TPP2: variants seen among roughly 807,000 people sequenced by gnomAD.
The protein encoded by TPP2 is tripeptidyl-peptidase 2.
In TPP2, 34 loss-of-function variants were observed where a neutral mutation model predicts 155.9. The ratio of observed to expected loss-of-function variants is 0.22; its 90% CI spans 0.17 to 0.29. TPP2 has a LOEUF of 0.29. Ranked by LOEUF, TPP2 falls within the 10% of genes least tolerant of loss-of-function variation. TPP2 has a pLI of 1.00. For synonymous variants in TPP2, 510 were observed against 529.4 expected (o/e 0.96, Z 0.50); for missense variants, 1,028 against 1,522.3 (o/e 0.68, Z 5.40).
At chr13:102,616,257 A>C (rs1880714835) in intron 3 of TPP2, 139 bp from the exon 4 acceptor site, 14 of 625,522 alleles carry the variant, frequency 2.2e-5, no homozygotes, top group Non-Finnish European at 3.3e-5. Flanking sequence ...ACACCCGGCC[A>C]AAAATGATTT....
At position 102,649,868 on chromosome 13, in the gene TPP2, A is replaced by G. The variant is rs897091431; in HGVS notation, c.2952+382A>G. Among the ~76,000 whole-genome samples, 11 of 152,148 alleles carry G rather than the reference A, an allele frequency of 7.2e-5. No homozygotes were observed. In the East Asian group the frequency reaches 1.2e-3, roughly 16 times the overall value. ...ATTTAACCAATAAGATTGGTTGTCC[A>G]TATAAGATTATGGACATAGGAATAA... On this transcript the variant is annotated intron_variant, in intron 23 of 29. Coordinates refer to ENST00000376052, the MANE Select transcript of TPP2 (RefSeq NM_001330588.2).
chr13:102,630,773 T>C (rs1158326386), intron 10 of TPP2, among the ~76,000 whole-genome samples: 3 of 152,242 alleles, frequency 2.0e-5, no homozygotes, highest in Admixed American at 6.5e-5. Flanking sequence ...TCCTAATTTA[T>C]GTAATTCTTC....
intron 23 of TPP2, among the ~76,000 whole-genome samples, chr13:102,650,399 C>T (rs1883405724): frequency 6.6e-6 from 1 of 152,112 alleles, no homozygotes; most frequent in South Asian, 2.1e-4. Flanking sequence ...TATTTACTGT[C>T]ATTGAAGCAT....
At chr13:102,598,010 G>A (rs1055691307) in intron 1 of TPP2, among the ~76,000 whole-genome samples, 1 of 151,704 alleles carries the variant, frequency 6.6e-6, no homozygotes, top group Admixed American at 6.6e-5. Context: ...AACATACGAC[G>A]GTTTTTAAAA....
intron 16 of TPP2, among the ~76,000 whole-genome samples, chr13:102,642,965 G>A (rs779069716): frequency 6.6e-6 from 1 of 152,150 alleles, no homozygotes; most frequent in Admixed American, 6.5e-5. Flanking sequence ...CCAGGTGTTT[G>A]CAGCCTCATG....
intron 4 of TPP2, among the ~76,000 whole-genome samples, chr13:102,617,246 C>G (rs1489137259): frequency 2.6e-5 from 4 of 152,002 alleles, no homozygotes; most frequent in African/African-American, 9.7e-5. Flanking sequence ...ATTATTGTCA[C>G]TTTTAAAAAG....
At chr13:102,643,791 AG>A (rs1253502754) in intron 17 of TPP2, among the ~76,000 whole-genome samples, 1 of 152,204 alleles carries the variant, frequency 6.6e-6, no homozygotes, top group African/African-American at 2.4e-5. Context: ...TTCATGTCTA[AG>A]TTATCTCAGA....
At chr13:102,673,995 A>C (rs1206155601) in intron 27 of TPP2, among the ~76,000 whole-genome samples, 1 of 152,202 alleles carries the variant, frequency 6.6e-6, no homozygotes, top group Non-Finnish European at 1.5e-5. Context: ...TAGCTAAAAA[A>C]ATTTAGAATA....
At chr13:102,614,770 T>C (rs955091505) in intron 3 of TPP2, among the ~76,000 whole-genome samples, 3 of 152,344 alleles carry the variant, frequency 2.0e-5, no homozygotes, top group East Asian at 1.9e-4. Flanking sequence ...AATAGAACTT[T>C]CTGTGATAAT....
At chr13:102,663,555 G>A (rs1566368404) in intron 25 of TPP2, 93 bp from the exon 26 acceptor site, 6 of 837,194 alleles carry the variant, frequency 7.2e-6, no homozygotes, top group Non-Finnish European at 7.0e-6. Context: ...TATTTTATTG[G>A]CTTAAACTTC....
At chr13:102,603,430 G>A (rs1356785429) in intron 1 of TPP2, among the ~76,000 whole-genome samples, 1 of 152,166 alleles carries the variant, frequency 6.6e-6, no homozygotes, top group African/African-American at 2.4e-5. Context: ...AGGTCATCGA[G>A]GAGGCCTTTC....
At chr13:102,638,355 G>T in intron 15 of TPP2, 40 bp downstream of exon 15, 1 of 1,574,952 alleles carries the variant, frequency 6.3e-7, no homozygotes. Flanking sequence ...GTACATCTAA[G>T]ATTTTAATGA....
intron 7 of TPP2, 140 bp from the exon 8 acceptor site, chr13:102,627,708 T>C (rs1276259751): frequency 1.7e-6 from 1 of 605,094 alleles, no homozygotes; most frequent in Non-Finnish European, 2.9e-6. Context: ...TCCAGGTATA[T>C]GGTGATATGC....
At chr13:102,628,022 G>A (rs1466592777) in intron 8 of TPP2, 98 bp downstream of exon 8, 2 of 965,320 alleles carry the variant, frequency 2.1e-6, no homozygotes, top group Non-Finnish European at 3.2e-6. Context: ...GTGGAAGAAA[G>A]AACAGTTGCA....
chr13:102,649,232 A>G, intron 22 of TPP2, 81 bp downstream of exon 22: 2 of 1,512,420 alleles, frequency 1.3e-6, no homozygotes, highest in Non-Finnish European at 1.8e-6. Flanking sequence ...CATCTAGGCT[A>G]AATTTAGAGG....
At chr13:102,600,088 A>G (rs180939041) in intron 1 of TPP2, among the ~76,000 whole-genome samples, 2 of 151,740 alleles carry the variant, frequency 1.3e-5, no homozygotes, top group African/African-American at 4.8e-5. Flanking sequence ...ATTGAATGGT[A>G]TATATGAGGC....
rs1885280858 is a variant in TPP2, at chr13:102,676,328, A to G, written c.3612A>G (p.Val1204=). 8 of 1,607,010 alleles carry G rather than the reference A, an allele frequency of 5.0e-6. No individual in the cohort carries two copies. The highest frequency in any genetic ancestry group is 6.8e-6 in the Non-Finnish European group (8 of 1,175,054). Residue 1204 remains valine (V), a synonymous_variant, in exon 29 of 30, where the codon GTA becomes GTG. Transcript: ENST00000376052. The part of the protein sequence containing the change: ...VLTFAYKHAL[V]NKMYGRGLKF... ...CATTTGCATATAAACATGCATTAGT[A>G]AATAAAATGTATGGGAGAGGCCTTA...
intron 25 of TPP2, among the ~76,000 whole-genome samples, chr13:102,662,801 T>C (rs1323525886): frequency 6.6e-6 from 1 of 152,184 alleles, no homozygotes; most frequent in Non-Finnish European, 1.5e-5. Flanking sequence ...TGTATGTTAA[T>C]TTGTTTTTAT....
In TPP2 at chr13:102,657,114, G is replaced by A; in HGVS notation, c.3050G>A (p.Ser1017Asn). Residue 1017 changes from serine (S) to asparagine (N), a missense_variant, in exon 25 of 30, where the codon AGC becomes AAC. Physicochemically the swap from Ser to Asn is conservative, Grantham distance 46. This residue lies in a region of TPP2 where 179 missense variants were observed against 274.7 expected (regional missense o/e 0.65). Transcript: ENST00000376052. Reference sequence around the variant, plus strand: ...CCACCAACAAAGACTAAGAATGGCAGCAAAGATAAGGAAAAAGATTCAGAA... The same window carrying A: ...CCACCAACAAAGACTAAGAATGGCAACAAAGATAAGGAAAAAGATTCAGAA... ...IPPPTKTKNG[S>N]KDKEKDSEKE... 2 of 1,586,728 alleles carry A rather than the reference G, an allele frequency of 1.3e-6. No individual in the cohort carries two copies. Among genetic ancestry groups the A allele is most frequent in the Non-Finnish European group, 1.7e-6 (2 of 1,170,416 alleles).
Sources: gnomAD v4.1 joint callset for allele counts (sites outside exome capture counted in the v4.1 genomes callset) on GRCh38, gnomAD v4.1.1 for gene constraint, gnomAD v4.1.1 regional missense constraint, MANE v1.5 for transcripts, NCBI Gene and HGNC (gene_info 2026-07-23, HGNC 2026-07-21) for gene names.